The following NCKAP5 variants were observed in gnomAD, a reference collection of about 807,000 sequenced individuals.
NCKAP5 encodes the protein NCK associated protein 5, also known as nck-associated protein 5.
A neutral mutation model predicts 167.0 loss-of-function variants in NCKAP5; 92 were observed. That is an observed-to-expected ratio of 0.55 (90% confidence interval 0.47 to 0.66). The LOEUF is 0.66. Among genes scored for constraint, NCKAP5 ranks in the 30% least tolerant of loss-of-function variants. NCKAP5 has a pLI of 0.00. For missense variants in NCKAP5, 2,378 were observed against 2,315.0 expected (o/e 1.03, Z -0.56); for synonymous variants, 891 against 877.4 (o/e 1.02, Z -0.27).
intron 3 of NCKAP5, among the ~76,000 whole-genome samples, chr2:133,362,208 C>T (rs887374120): frequency 5.3e-5 from 8 of 152,178 alleles, no homozygotes; most frequent in South Asian, 2.1e-4. Context: ...TTCTATATTG[C>T]TTCCACCTTT....
intron 11 of NCKAP5, among the ~76,000 whole-genome samples, chr2:132,828,983 G>A (rs769116880): frequency 3.9e-5 from 6 of 152,072 alleles, no homozygotes; most frequent in East Asian, 1.9e-4. Flanking sequence ...CTCAACTGTC[G>A]GCTAGGAGAC....
chr2:133,388,999 C>G (rs955427396), intron 3 of NCKAP5, among the ~76,000 whole-genome samples: 3 of 152,234 alleles, frequency 2.0e-5, no homozygotes, highest in Non-Finnish European at 4.4e-5. Flanking sequence ...GAGGTGATGC[C>G]TCGCCCTGCT....
chr2:133,501,228 T>A lies in NCKAP5; in HGVS notation c.69+16230A>T, dbSNP rs1024797053. On this transcript the variant is annotated intron_variant, in intron 3 of 19. Coordinates refer to ENST00000409261, the MANE Select transcript of NCKAP5 (RefSeq NM_207363.3). ...ACAGAAAAATTTACCCGTCAAGCAT[T>A]TACTGAGCTCTGCTGTGCACTGGGC... 7.9e-5 allele frequency among the ~76,000 whole-genome samples: 12 copies of A among 152,304 alleles called. No individual in the cohort carries two copies. The East Asian group carries it at 2.3e-3, about 29-fold the overall frequency.
intron 12 of NCKAP5, among the ~76,000 whole-genome samples, chr2:132,792,819 T>G (rs1684177985): frequency 6.6e-6 from 1 of 152,168 alleles, no homozygotes; most frequent in South Asian, 2.1e-4. Context: ...TATACCTATT[T>G]TTACAACTCA....
At chr2:133,236,158 T>C (rs1019006781) in intron 4 of NCKAP5, among the ~76,000 whole-genome samples, 16 of 146,998 alleles carry the variant, frequency 1.1e-4, no homozygotes, top group Admixed American at 8.9e-4. Context: ...GTATGAGTCA[T>C]AGTGCTGTTG....
At chr2:133,522,438 T>C (rs2104778225) in intron 2 of NCKAP5, among the ~76,000 whole-genome samples, 1 of 152,334 alleles carries the variant, frequency 6.6e-6, no homozygotes, top group Admixed American at 6.5e-5. Context: ...CAAGCCTTCC[T>C]TGGGAAATAC....
At chr2:133,296,247 C>T (rs1679949395) in intron 4 of NCKAP5, among the ~76,000 whole-genome samples, 1 of 152,130 alleles carries the variant, frequency 6.6e-6, no homozygotes, top group African/African-American at 2.4e-5. Context: ...TCTTGCAGCC[C>T]CCACCCAGGA....
At chr2:133,069,832 T>C (rs2080326959) in intron 6 of NCKAP5, among the ~76,000 whole-genome samples, 1 of 151,930 alleles carries the variant, frequency 6.6e-6, no homozygotes, top group Non-Finnish European at 1.5e-5. Context: ...TGCCTTATAA[T>C]TATAGATAAT....
At chr2:133,543,491 T>C (rs1686397835) in intron 2 of NCKAP5, among the ~76,000 whole-genome samples, 2 of 152,194 alleles carry the variant, frequency 1.3e-5, no homozygotes, top group African/African-American at 4.8e-5. Flanking sequence ...CCAGATAAAA[T>C]TGTCTCTTTT....
intron 7 of NCKAP5, among the ~76,000 whole-genome samples, chr2:132,964,088 G>A (rs892464898): frequency 6.6e-5 from 10 of 152,198 alleles, no homozygotes; most frequent in African/African-American, 2.4e-4. Context: ...TCTCAATGCA[G>A]TTGTCCTTTG....
chr2:133,306,706 T>A (rs561918039), intron 3 of NCKAP5, among the ~76,000 whole-genome samples: 1 of 152,206 alleles, frequency 6.6e-6, no homozygotes, highest in Non-Finnish European at 1.5e-5. Context: ...GTGATTCTTA[T>A]TATGAGGTGA....
At position 133,236,848 on chromosome 2, in the gene NCKAP5, G is replaced by A. The variant is rs575757435; in HGVS notation, c.144-23069C>T. Among the ~76,000 whole-genome samples, 28 of 152,124 alleles carry A rather than the reference G, an allele frequency of 1.8e-4. No individual in the cohort carries two copies. The Middle Eastern group carries it at 0.014, about 74-fold the overall frequency. On this transcript the variant is annotated intron_variant, in intron 4 of 19. Coordinates refer to ENST00000409261, the MANE Select transcript of NCKAP5 (RefSeq NM_207363.3). ...TAGGCTTCAATTATGAAGCTGTCCC[G>A]AAAGTAGGAAACACAGGGTTTCAAC...
chr2:133,311,619 G>T (rs1681238125), intron 3 of NCKAP5, among the ~76,000 whole-genome samples: 1 of 152,136 alleles, frequency 6.6e-6, no homozygotes, highest in Non-Finnish European at 1.5e-5. Context: ...GGCTATCCAG[G>T]AGCCCACAGT....
chr2:133,022,467 G>A (rs1296055828), intron 6 of NCKAP5, among the ~76,000 whole-genome samples: 1 of 152,114 alleles, frequency 6.6e-6, no homozygotes, highest in African/African-American at 2.4e-5. Flanking sequence ...GGCTGTCTCT[G>A]GGCTCCCCTT....
the NCKAP5 span, among the ~76,000 whole-genome samples, chr2:133,602,290 G>A: frequency 5.9e-5 from 9 of 152,274 alleles, no homozygotes; most frequent in Non-Finnish European, 1.3e-4. Context: ...CCTGAGCCTC[G>A]GAGATTTGGG....
chr2:133,274,049 C>T (rs1259741450), intron 4 of NCKAP5, among the ~76,000 whole-genome samples: 1 of 150,444 alleles, frequency 6.6e-6, no homozygotes, highest in Admixed American at 6.6e-5. Flanking sequence ...TAAATTTTTC[C>T]TCTAGACAAG....
intron 4 of NCKAP5, among the ~76,000 whole-genome samples, chr2:133,232,623 C>T (rs2087205477): frequency 6.6e-6 from 1 of 152,090 alleles, no homozygotes; most frequent in Non-Finnish European, 1.5e-5. Context: ...AACAGAAACA[C>T]TGTCACCAAA....
the NCKAP5 span, among the ~76,000 whole-genome samples, chr2:133,634,295 C>T: frequency 6.6e-6 from 1 of 152,168 alleles, no homozygotes; most frequent in African/African-American, 2.4e-5. Flanking sequence ...CCCACTCCCT[C>T]GTAACAAAGG....
the NCKAP5 span, among the ~76,000 whole-genome samples, chr2:133,642,483 T>C: frequency 1.3e-5 from 2 of 152,288 alleles, no homozygotes; most frequent in East Asian, 3.9e-4. Context: ...GCTGTAACAA[T>C]TCACAGAAGA....
Sources: allele counts gnomAD v4.1 joint callset (sites outside exome capture counted in the v4.1 genomes callset), GRCh38; gene constraint gnomAD v4.1.1; transcripts MANE v1.5; gene names NCBI Gene and HGNC (gene_info 2026-07-23, HGNC 2026-07-21).